The following FHIT variants were observed in gnomAD, a reference collection of about 807,000 sequenced individuals.
The protein encoded by FHIT is fragile histidine triad diadenosine triphosphatase, also known as bis(5'-adenosyl)-triphosphatase.
In FHIT, 19 loss-of-function variants were observed where a neutral mutation model predicts 17.9. The observed-to-expected ratio is 1.06, with a 90% CI of 0.74 to 1.56. The LOEUF (loss-of-function observed/expected upper bound fraction) is 1.56. Ranked by LOEUF, FHIT falls within the 40% of genes most tolerant of loss-of-function variation. The pLI is 0.00. For synonymous variants in FHIT, 81 were observed against 69.7 expected, an observed-to-expected ratio of 1.16 and a Z score of -0.81; for missense variants, 248 against 189.2, an observed-to-expected ratio of 1.31 and a Z score of -1.82.
chr3:60,130,898 CAT>C (rs781297932), intron 5 of FHIT, among the ~76,000 whole-genome samples: 1 of 143,500 alleles, frequency 7.0e-6, no homozygotes, highest in Non-Finnish European at 1.6e-5. Flanking sequence ...CACACATACA[CAT>C]ATATACACAT....
At chr3:60,000,571 T>C (rs17254765) in intron 7 of FHIT, among the ~76,000 whole-genome samples, 4,678 of 152,144 alleles carry the variant, frequency 0.031, 111 homozygotes, top group East Asian at 0.074. Context: ...CCCATCCTAA[T>C]TTTGTGGCTA....
intron 5 of FHIT, among the ~76,000 whole-genome samples, chr3:60,361,371 T>G: frequency 6.6e-6 from 1 of 152,164 alleles, no homozygotes. Context: ...AAAAGGGCAC[T>G]ATTCTTTTTC....
At chr3:60,264,336 C>T (rs17062647) in intron 5 of FHIT, among the ~76,000 whole-genome samples, 1 of 151,928 alleles carries the variant, frequency 6.6e-6, no homozygotes, top group African/African-American at 2.4e-5. Flanking sequence ...TTTAGCCATG[C>T]ACTCACTGAT....
At chr3:60,549,120 A>G (rs765126454) in intron 4 of FHIT, among the ~76,000 whole-genome samples, 2 of 152,306 alleles carry the variant, frequency 1.3e-5, no homozygotes, top group East Asian at 1.9e-4. Context: ...TATTCAATAA[A>G]CAATTGTTAA....
At position 59,922,347 on chromosome 3, in the gene FHIT, T is replaced by C; in HGVS notation, c.347A>G (p.Glu116Gly). The C allele has an allele frequency of 6.2e-7, 1 of 1,613,010 alleles. No individual in the cohort carries two copies. Among genetic ancestry groups the C allele is most frequent in the Non-Finnish European group, 8.5e-7 (1 of 1,179,096 alleles). ...TAAGATCAGAGAGAACAGACCCACCTCCTCATAGATGCTGTCATTCCTGTG... is the reference window on the plus strand; with the variant it reads ...TAAGATCAGAGAGAACAGACCCACCCCCTCATAGATGCTGTCATTCCTGTG... ...DFHRNDSIYE[E>G]LQKHDKEDFP... Residue 116 changes from glutamate to glycine, a missense_variant and splice_region_variant, in exon 8 of 10, where the codon GAG (glutamate) becomes GGG (glycine). By Grantham distance (98) the Glu-to-Gly change is moderately conservative (BLOSUM62 -2). Transcript: ENST00000492590.
At chr3:60,295,148 G>C (rs1047442629) in intron 5 of FHIT, among the ~76,000 whole-genome samples, 1 of 152,094 alleles carries the variant, frequency 6.6e-6, no homozygotes. Context: ...TACTCAGAAG[G>C]CTGAGGTGAA....
At chr3:60,235,006 T>A (rs172492) in intron 5 of FHIT, among the ~76,000 whole-genome samples, 120,649 of 152,010 alleles carry the variant, frequency 0.79, 48,706 homozygotes, top group African/African-American at 0.92. Flanking sequence ...GTGACCCAAG[T>A]GCATCAGGAG....
At chr3:60,649,836 T>C (rs537437573) in intron 4 of FHIT, among the ~76,000 whole-genome samples, 1 of 152,156 alleles carries the variant, frequency 6.6e-6, no homozygotes, top group Non-Finnish European at 1.5e-5. Flanking sequence ...GGATCTTGAA[T>C]ACAGTAGGAA....
chr3:60,277,225 T>C (rs1707188453), intron 5 of FHIT, among the ~76,000 whole-genome samples: 1 of 152,130 alleles, frequency 6.6e-6, no homozygotes, highest in South Asian at 2.1e-4. Context: ...GTGAGGGACA[T>C]ATAAAGAAGT....
intron 5 of FHIT, among the ~76,000 whole-genome samples, chr3:60,142,676 G>T (rs542758593): frequency 6.7e-6 from 1 of 148,298 alleles, no homozygotes; most frequent in East Asian, 2.0e-4. Flanking sequence ...TAACATTTTT[G>T]CGTTTCTTTT....
At chr3:59,946,894 C>T (rs149522603) in intron 7 of FHIT, among the ~76,000 whole-genome samples, 9 of 152,122 alleles carry the variant, frequency 5.9e-5, no homozygotes, top group East Asian at 1.9e-4. Context: ...CTTTTTGATG[C>T]GCTGCTGGAT....
chr3:61,023,773 T>G (rs2032585920), intron 3 of FHIT, among the ~76,000 whole-genome samples: 1 of 152,120 alleles, frequency 6.6e-6, no homozygotes. Flanking sequence ...TAATAAATGG[T>G]GTTGGGAAAA....
intron 5 of FHIT, among the ~76,000 whole-genome samples, chr3:60,148,558 G>A (rs1187051087): frequency 1.3e-5 from 2 of 152,268 alleles, no homozygotes; most frequent in East Asian, 1.9e-4. Context: ...TAGTTGGATA[G>A]ATGTGTTAAG....
intron 5 of FHIT, among the ~76,000 whole-genome samples, chr3:60,493,763 T>A (rs2034168980): frequency 6.6e-6 from 1 of 152,154 alleles, no homozygotes. Context: ...TACGACTGTG[T>A]CTAAAATTCT....
intron 8 of FHIT, among the ~76,000 whole-genome samples, chr3:59,762,415 T>A (rs907455144): frequency 3.9e-5 from 6 of 152,166 alleles, no homozygotes; most frequent in Non-Finnish European, 8.8e-5. Flanking sequence ...TAGCTCATCA[T>A]CCCCATTTTC....
chr3:60,632,248 C>T (rs376802036), intron 4 of FHIT, among the ~76,000 whole-genome samples: 13 of 152,044 alleles, frequency 8.6e-5, no homozygotes, highest in Admixed American at 5.9e-4. Context: ...TGTATGAGAA[C>T]GATTTCTCTG....
chr3:60,178,998 G>A (rs1216447020), intron 5 of FHIT, among the ~76,000 whole-genome samples: 1 of 152,042 alleles, frequency 6.6e-6, no homozygotes, highest in African/African-American at 2.4e-5. Context: ...AAGAAATACT[G>A]AGGGGCCCCT....
chr3:61,074,421 C>G (rs1429016765), intron 2 of FHIT, among the ~76,000 whole-genome samples: 2 of 152,158 alleles, frequency 1.3e-5, no homozygotes, highest in African/African-American at 4.8e-5. Flanking sequence ...ACCCATGAGC[C>G]AAATCTGACC....
chr3:61,093,305 C>A (rs1366139271), intron 2 of FHIT, among the ~76,000 whole-genome samples: 1 of 152,084 alleles, frequency 6.6e-6, no homozygotes, highest in African/African-American at 2.4e-5. Context: ...TAGTTCTCAA[C>A]AGGGAGTGAT....
Sources: gnomAD v4.1 joint callset for allele counts (sites outside exome capture counted in the v4.1 genomes callset) on GRCh38, gnomAD v4.1.1 for gene constraint, MANE v1.5 for transcripts, NCBI Gene and HGNC (gene_info 2026-07-23, HGNC 2026-07-21) for gene names.